The following TRIOBP variants were observed in gnomAD, a reference collection of about 807,000 sequenced individuals.
TRIOBP encodes the protein TRIO and F-actin binding protein.
Under a neutral mutation model 238.8 loss-of-function variants are expected in TRIOBP, and 169 were observed. That is an observed-to-expected ratio of 0.71 (90% CI 0.62 to 0.80). The LOEUF (loss-of-function observed/expected upper bound fraction) is 0.80. Among genes scored for constraint, TRIOBP ranks in the 30% least tolerant of loss-of-function variants. TRIOBP has a pLI of 0.00. For missense variants in TRIOBP, 2,838 were observed against 3,122.6 expected, an observed-to-expected ratio of 0.91 and a Z score of 2.17; for synonymous variants, 1,150 against 1,274.4, an observed-to-expected ratio of 0.90 and a Z score of 2.08.
chr22:37,725,131 T>G lies in TRIOBP; in HGVS notation c.2575T>G (p.Phe859Val). The G allele has an allele frequency of 1.2e-6, 2 of 1,614,070 alleles. No individual in the cohort carries two copies. Among genetic ancestry groups the G allele is most frequent in the South Asian group, 2.2e-5 (2 of 91,070 alleles). Reference protein sequence around the residue: ...TQRDRTQSFSFQRDNPGTSSS... With the variant: ...TQRDRTQSFSVQRDNPGTSSS... ...GCGGGACCGCACACAGTCCTTTTCC[T>G]TTCAACGAGACAACCCTGGAACCTC... is the stretch of plus-strand genomic sequence containing the variant. The change falls in exon 7 of 24, where the codon TTT becomes GTT. Residue 859 changes from phenylalanine to valine, a missense_variant. Physicochemically the swap from Phe to Val is conservative, Grantham distance 50. Around this residue, in one of 5 missense-constraint regions of TRIOBP, gnomAD observed 2,096 missense variants for 2,137.4 expected, o/e 0.98. Coordinates refer to ENST00000644935, the MANE Select transcript of TRIOBP (RefSeq NM_001039141.3).
intron 21 of TRIOBP, among the ~76,000 whole-genome samples, chr22:37,770,751 C>T (rs956685438): frequency 1.3e-5 from 2 of 150,840 alleles, no homozygotes; most frequent in African/African-American, 2.4e-5. Context: ...GGCACCATCT[C>T]GGCTCACTGC....
At position 37,757,543 on chromosome 22, in the gene TRIOBP, G is replaced by A. The variant is rs1040876652; in HGVS notation, c.5688-70G>A. On this transcript the variant is annotated intron_variant, in intron 15 of 23. Coordinates refer to ENST00000644935, the MANE Select transcript of TRIOBP (RefSeq NM_001039141.3). ...GCACAGGGCCTGGCACACAGGTGTC[G>A]CTCCAAAAGTGCTCATTGTGGGACT... is the stretch of plus-strand genomic sequence containing the variant. The A allele has an allele frequency of 2.5e-5, 38 of 1,533,316 alleles. 1 individual carries two copies. The highest frequency in any genetic ancestry group is 1.5e-4 in the East Asian group (6 of 40,962). The allele number at this position is 1,533,316 out of a possible 1,614,324, so 95.0% of individuals were successfully genotyped here.
Position 37,740,971 on chromosome 22 carries a change from G to A in TRIOBP, c.5261G>A (p.Gly1754Glu), listed in dbSNP as rs1041506465. Residue 1754 changes from glycine to glutamate, a missense_variant, in exon 11 of 24, where the codon GGG becomes GAG. Transcript: ENST00000644935. Reference sequence around the variant, plus strand: ...CTGGTGACCTCATGGCGGATGCCCGGGGACCGGCCCACGCTGTTCAATCCG... The same window carrying A: ...CTGGTGACCTCATGGCGGATGCCCGAGGACCGGCCCACGCTGTTCAATCCG... ...GRLVTSWRMP[G>E]DRPTLFNPFL... 3.2e-6 allele frequency: 5 copies of A among 1,561,872 alleles called. No individual in the cohort carries two copies. The highest frequency in any genetic ancestry group is 4.3e-6 in the Non-Finnish European group (5 of 1,152,630).
intron 5 of TRIOBP, 108 bp from the exon 6 acceptor site, chr22:37,715,655 T>C (rs1276956940): frequency 7.3e-7 from 1 of 1,378,804 alleles, no homozygotes; most frequent in Non-Finnish European, 1.0e-6. Flanking sequence ...GGAAGTGCTT[T>C]TTAATGCCAA....
In TRIOBP at chr22:37,772,709, G is replaced by T; in HGVS notation, c.7045G>T (p.Ala2349Ser). ...GCAGCTGAAGGAGCACCTGCGTCTT[G>T]CCATGGCCGCCCTCCAGGAGAAGGA... ...IEQLKEHLRL[A>S]MAALQEKESM... is the part of the protein sequence containing the mutation. The change falls in exon 23 of 24, where the codon GCC becomes TCC. Residue 2349 changes from alanine (A) to serine (S), a missense_variant. This residue lies in a region of TRIOBP where 2,096 missense variants were observed against 2,137.4 expected (regional missense o/e 0.98). Transcript: ENST00000644935. 6.2e-7 allele frequency: 1 copy of T among 1,614,068 alleles called. No homozygotes were observed. Among genetic ancestry groups the T allele is most frequent in the Non-Finnish European group, 8.5e-7 (1 of 1,180,036 alleles).
At chr22:37,730,824 G>A (rs1007202554) in intron 7 of TRIOBP, among the ~76,000 whole-genome samples, 3 of 151,766 alleles carry the variant, frequency 2.0e-5, no homozygotes, top group Non-Finnish European at 4.4e-5. Context: ...GTGGACACCT[G>A]TAATCCCAGC....
rs1923473847 is a variant in TRIOBP at position 37,715,674 on chromosome 22, C to T, written c.457-89C>T. The T allele has an allele frequency of 6.8e-6, 10 of 1,475,262 alleles. No homozygotes were observed. In the East Asian group the frequency reaches 1.7e-4, roughly 25 times the overall value. 91.4% of individuals were successfully genotyped at this position (1,475,262 alleles called of 1,614,324 possible). A position where few individuals can be genotyped will look rare whatever the true frequency, so the allele number is the denominator to read the frequency against. On this transcript the variant is annotated intron_variant, in intron 5 of 23. Transcript: ENST00000644935. ...GTGCTTTTTAATGCCAATTCCCTTC[C>T]CTTCCTTCTGCCCCTCTCATTTGGA...
chr22:37,709,422 C>T (rs530861066), intron 3 of TRIOBP, among the ~76,000 whole-genome samples: 35 of 152,352 alleles, frequency 2.3e-4, no homozygotes, highest in African/African-American at 7.9e-4. Flanking sequence ...CCCCTGCTCC[C>T]GAAGCCGGCC....
intron 17 of TRIOBP, among the ~76,000 whole-genome samples, chr22:37,761,616 A>G (rs1383304211): frequency 6.6e-6 from 1 of 152,044 alleles, no homozygotes; most frequent in Non-Finnish European, 1.5e-5. Flanking sequence ...GTGAATGTCA[A>G]GGGTCTGGAG....
chr22:37,755,105 A>G lies in TRIOBP; in HGVS notation c.5492A>G (p.Asp1831Gly). Reference sequence around the variant, plus strand: ...TAGTGGGCCCTCTTGCTCCAGGCAGATGAGCTGGATGGTGAGATCGACCTG... The same window carrying G: ...TAGTGGGCCCTCTTGCTCCAGGCAGGTGAGCTGGATGGTGAGATCGACCTG... ...YYRDSTAEEADELDGEIDLRS... is the reference protein window; with the variant it reads ...YYRDSTAEEAGELDGEIDLRS... Residue 1831 changes from aspartate (D) to glycine (G), a missense_variant, in exon 14 of 24, where the codon GAT becomes GGT. By Grantham distance (94) the Asp-to-Gly change is moderately conservative (BLOSUM62 -1). Coordinates refer to ENST00000644935, the MANE Select transcript of TRIOBP (RefSeq NM_001039141.3). 1 of 1,613,630 alleles carries G rather than the reference A, an allele frequency of 6.2e-7. No homozygotes were observed. The highest frequency in any genetic ancestry group is 8.5e-7 in the Non-Finnish European group (1 of 1,179,804).
chr22:37,726,827 C>A (rs1327278023), intron 7 of TRIOBP, among the ~76,000 whole-genome samples: 1 of 152,142 alleles, frequency 6.6e-6, no homozygotes, highest in African/African-American at 2.4e-5. Context: ...CCTACCTGAG[C>A]CTCAGTTTCC....
chr22:37,715,981 C>T (rs866822173), intron 6 of TRIOBP, 47 bp downstream of exon 6: 2 of 1,605,704 alleles, frequency 1.2e-6, no homozygotes, highest in Non-Finnish European at 1.7e-6. Context: ...GCCTGGGGCC[C>T]CCCAGATAGC....
At chr22:37,740,673 C>T (rs561939660) in intron 10 of TRIOBP, among the ~76,000 whole-genome samples, 8 of 152,368 alleles carry the variant, frequency 5.3e-5, no homozygotes, top group East Asian at 1.9e-4. Flanking sequence ...TGATGACGTG[C>T]ACACCTTCAA....
intron 15 of TRIOBP, 46 bp from the exon 16 acceptor site, chr22:37,757,567 C>T: frequency 6.5e-7 from 1 of 1,546,550 alleles, no homozygotes; most frequent in Non-Finnish European, 8.7e-7. Context: ...CATTGTGGGA[C>T]TGCAGGGGTG....
rs747182422 is a variant in TRIOBP, at chr22:37,734,881, C to T, written c.4545C>T (p.Pro1515=). The T allele has an allele frequency of 7.9e-5, 128 of 1,613,064 alleles. No homozygotes were observed. The highest frequency in any genetic ancestry group is 9.2e-5 in the Non-Finnish European group (108 of 1,180,016). ...GAAAGAGAAGCCCACTCACGAGCCC[C>T]CCTGAGAACTGGGGAGGCCCCGCAG... ...ELGKRSPLTS[P]PENWGGPAES... is the part of the protein sequence containing the mutation. Residue 1515 remains proline (P), a synonymous_variant, in exon 9 of 24, where the codon CCC becomes CCT. Coordinates refer to ENST00000644935, the MANE Select transcript of TRIOBP (RefSeq NM_001039141.3).
intron 9 of TRIOBP, among the ~76,000 whole-genome samples, chr22:37,737,791 G>A (rs1172623444): frequency 6.6e-6 from 1 of 152,098 alleles, no homozygotes; most frequent in Non-Finnish European, 1.5e-5. Context: ...CTTTGCACAT[G>A]CTCTTCCCTG....
At chr22:37,719,450 T>C (rs1923709033) in intron 6 of TRIOBP, among the ~76,000 whole-genome samples, 2 of 151,802 alleles carry the variant, frequency 1.3e-5, no homozygotes, top group African/African-American at 4.8e-5. Context: ...AGGAAGAGGT[T>C]TTGAGGCTTC....
chr22:37,772,895 A>G, intron 23 of TRIOBP, 131 bp downstream of exon 23: 1 of 1,164,752 alleles, frequency 8.6e-7, no homozygotes, highest in South Asian at 1.4e-5. Flanking sequence ...TAAAAAGGAC[A>G]ATGAAACCAG....
rs373220839 is a variant in TRIOBP at position 37,726,211 on chromosome 22, G to T, written c.3655G>T (p.Gly1219Trp). The T allele has an allele frequency of 6.2e-7, 1 of 1,601,168 alleles. No homozygotes were observed. Among genetic ancestry groups the T allele is most frequent in the East Asian group, 2.3e-5 (1 of 44,162 alleles). ...SPVLIPQVCI[G>W]HRDAPRASSP... ...AGTGCTGATCCCCCAAGTGTGCATCGGGCACCGGGATGCACCCCGAGCCTC... is the reference window on the plus strand; with the variant it reads ...AGTGCTGATCCCCCAAGTGTGCATCTGGCACCGGGATGCACCCCGAGCCTC... The change falls in exon 7 of 24, where the codon GGG (glycine) becomes TGG (tryptophan). Residue 1219 changes from glycine (G) to tryptophan (W), a missense_variant. By Grantham distance (184) the Gly-to-Trp change is radical. Coordinates refer to ENST00000644935, the MANE Select transcript of TRIOBP (RefSeq NM_001039141.3).
Sources: allele counts gnomAD v4.1 joint callset (sites outside exome capture counted in the v4.1 genomes callset), GRCh38; gene constraint gnomAD v4.1.1; regional missense constraint gnomAD v4.1.1; transcripts MANE v1.5; gene names NCBI Gene and HGNC (gene_info 2026-07-23, HGNC 2026-07-21).